The following SEMA3E variants were observed in gnomAD, a reference collection of about 807,000 sequenced individuals.
SEMA3E encodes semaphorin-3E.
In SEMA3E, 49 loss-of-function variants were observed where a neutral mutation model predicts 93.6. That is an observed-to-expected ratio of 0.52 (90% confidence interval 0.42 to 0.66). The LOEUF is 0.66. SEMA3E is among the 30% of genes least tolerant of loss of function. The pLI is 0.00. For synonymous variants in SEMA3E, 363 were observed against 330.7 expected, an observed-to-expected ratio of 1.10 and a Z score of -1.06; for missense variants, 906 against 964.8, an observed-to-expected ratio of 0.94 and a Z score of 0.81.
chr7:83,488,791 CCTT>C (rs1463993110), intron 2 of SEMA3E, among the ~76,000 whole-genome samples: 1 of 151,938 alleles, frequency 6.6e-6, no homozygotes, highest in East Asian at 1.9e-4. Flanking sequence ...ATGGAGGATA[CCTT>C]CAATTAAAAA....
intron 2 of SEMA3E, among the ~76,000 whole-genome samples, chr7:83,476,076 G>C (rs73174551): frequency 0.03 from 4,600 of 152,230 alleles, 103 homozygotes; most frequent in African/African-American, 0.064. Flanking sequence ...AAATTACAGA[G>C]GGCAAGGCAG....
At chr7:83,577,207 T>G (rs927973152) in intron 1 of SEMA3E, among the ~76,000 whole-genome samples, 27 of 152,150 alleles carry the variant, frequency 1.8e-4, no homozygotes, top group Admixed American at 1.4e-3. Flanking sequence ...TATGACAGAT[T>G]AGAGATAAAC....
chr7:83,487,682 C>CGTGTGTGTGTGTGT lies in SEMA3E; in HGVS notation c.276+2418_276+2431dup, dbSNP rs71074667. Among the ~76,000 whole-genome samples, 69 of 144,534 alleles carry CGTGTGTGTGTGTGT rather than the reference C, an allele frequency of 4.8e-4. 1 individual carries two copies. The East Asian group carries it at 9.3e-3, about 20-fold the overall frequency. 94.8% of individuals were successfully genotyped at this position (144,534 alleles called of 152,430 possible). On this transcript the variant is annotated intron_variant, in intron 2 of 16. Coordinates refer to ENST00000643230, the MANE Select transcript of SEMA3E (RefSeq NM_012431.3). ...CCATTGAATTTGACTGGCAGGAGGT[C>CGTGTGTGTGTGTGT]GTGTGTGTGTGTGTGTGTGTGTGTG...
chr7:83,543,622 G>T (rs1294366096), intron 1 of SEMA3E, among the ~76,000 whole-genome samples: 1 of 152,054 alleles, frequency 6.6e-6, no homozygotes, highest in Non-Finnish European at 1.5e-5. Flanking sequence ...TACAAGCTAA[G>T]ACAGCTCTAT....
chr7:83,435,920 G>A (rs1478219640), intron 4 of SEMA3E, among the ~76,000 whole-genome samples: 2 of 151,762 alleles, frequency 1.3e-5, no homozygotes, highest in African/African-American at 4.8e-5. Context: ...CATTTTCTGT[G>A]TCTATCATAA....
At chr7:83,399,309 T>C (rs1476485980) in intron 11 of SEMA3E, among the ~76,000 whole-genome samples, 3 of 152,210 alleles carry the variant, frequency 2.0e-5, no homozygotes, top group Admixed American at 1.3e-4. Flanking sequence ...TTCTACAAGT[T>C]AGATCTAATG....
At chr7:83,456,695 C>G (rs1476452855) in intron 4 of SEMA3E, among the ~76,000 whole-genome samples, 2 of 151,584 alleles carry the variant, frequency 1.3e-5, no homozygotes, top group Non-Finnish European at 2.9e-5. Context: ...CTCACTGCAA[C>G]CTCCACCTCC....
At chr7:83,517,341 G>A (rs1348858764) in intron 1 of SEMA3E, among the ~76,000 whole-genome samples, 1 of 152,144 alleles carries the variant, frequency 6.6e-6, no homozygotes, top group African/African-American at 2.4e-5. Context: ...CACTTGGAGA[G>A]ATTTGTACTA....
chr7:83,462,342 C>T (rs1239561217), intron 4 of SEMA3E, among the ~76,000 whole-genome samples: 1 of 152,114 alleles, frequency 6.6e-6, no homozygotes, highest in Non-Finnish European at 1.5e-5. Flanking sequence ...CTTAAAACTC[C>T]CCAACTCTGG....
intron 1 of SEMA3E, among the ~76,000 whole-genome samples, chr7:83,552,406 T>C (rs1235727163): frequency 6.6e-6 from 1 of 152,174 alleles, no homozygotes; most frequent in Non-Finnish European, 1.5e-5. Context: ...TTGTAAAGCA[T>C]GTGTGTTTGA....
In SEMA3E at chr7:83,416,512, T is replaced by C. The variant is rs375849336; in HGVS notation, c.550+1878A>G. Among the ~76,000 whole-genome samples, 4 of 152,236 alleles carry C rather than the reference T, an allele frequency of 2.6e-5. No individual in the cohort carries two copies. In the East Asian group the frequency reaches 5.8e-4, roughly 22 times the overall value. On this transcript the variant is annotated intron_variant, in intron 5 of 16. Transcript: ENST00000643230. ...TATTATTAACTCTTTAAATGAAATG[T>C]TAAAAAATAATTTGCCTTCTAATAT... is the stretch of plus-strand genomic sequence containing the variant.
At chr7:83,641,380 A>G (rs1794006939) in intron 1 of SEMA3E, 22 of 985,474 alleles carry the variant, frequency 2.2e-5, no homozygotes, top group Non-Finnish European at 2.7e-5. Flanking sequence ...TCACTTTCCA[A>G]GTAAACAACA....
intron 2 of SEMA3E, among the ~76,000 whole-genome samples, chr7:83,480,492 T>C (rs1644300320): frequency 6.6e-6 from 1 of 152,170 alleles, no homozygotes; most frequent in Admixed American, 6.5e-5. Flanking sequence ...GAATGTTTTT[T>C]CTATACTTTT....
At chr7:83,534,318 T>C (rs1791365502) in intron 1 of SEMA3E, among the ~76,000 whole-genome samples, 1 of 152,210 alleles carries the variant, frequency 6.6e-6, no homozygotes, top group South Asian at 2.1e-4. Flanking sequence ...TCGCCTTTGA[T>C]TCCCATGTGT....
intron 1 of SEMA3E, among the ~76,000 whole-genome samples, chr7:83,643,633 A>G (rs1794042561): frequency 6.6e-6 from 1 of 152,022 alleles, no homozygotes; most frequent in South Asian, 2.1e-4. Flanking sequence ...TGTAGCAAAT[A>G]TAAAAATGCA....
chr7:83,457,416 C>T (rs1789508740), intron 4 of SEMA3E, among the ~76,000 whole-genome samples: 1 of 152,100 alleles, frequency 6.6e-6, no homozygotes, highest in African/African-American at 2.4e-5. Context: ...AAAAACCTAC[C>T]CTGCTTCCAT....
chr7:83,468,525 TATA>T (rs1459291217), intron 3 of SEMA3E, among the ~76,000 whole-genome samples: 1 of 152,088 alleles, frequency 6.6e-6, no homozygotes, highest in Non-Finnish European at 1.5e-5. Context: ...GAGGAGTTGG[TATA>T]ATGTGTGTTA....
chr7:83,583,552 T>A (rs1168481718), intron 1 of SEMA3E, among the ~76,000 whole-genome samples: 1 of 152,134 alleles, frequency 6.6e-6, no homozygotes, highest in Admixed American at 6.6e-5. Context: ...TCCTTCCCCA[T>A]ATTTATTTGG....
At chr7:83,458,241 T>A (rs1485282280) in intron 4 of SEMA3E, among the ~76,000 whole-genome samples, 1 of 151,738 alleles carries the variant, frequency 6.6e-6, no homozygotes, top group Non-Finnish European at 1.5e-5. Flanking sequence ...CAATATCATG[T>A]GTATGAAGTG....
Sources: allele counts gnomAD v4.1 joint callset (sites outside exome capture counted in the v4.1 genomes callset), GRCh38; gene constraint gnomAD v4.1.1; transcripts MANE v1.5; gene names NCBI Gene and HGNC (gene_info 2026-07-23, HGNC 2026-07-21).